The following SENP7 variants were observed in gnomAD, a reference collection of about 807,000 sequenced individuals.
SENP7 encodes the protein SUMO specific peptidase 7.
SENP7 carries 64 observed loss-of-function variants against 141.2 expected under a neutral mutation model. The ratio of observed to expected loss-of-function variants is 0.45; its 90% confidence interval spans 0.37 to 0.56. SENP7 has a LOEUF of 0.56. Among genes scored for constraint, SENP7 ranks in the 20% least tolerant of loss-of-function variants. The pLI, the probability that SENP7 is intolerant of heterozygous loss-of-function variation, is 0.00. For missense variants in SENP7, 1,025 were observed against 1,212.2 expected, an observed-to-expected ratio of 0.85 and a Z score of 2.29; for synonymous variants, 382 against 426.4, an observed-to-expected ratio of 0.90 and a Z score of 1.28.
chr3:101,502,547 C>T (rs1370643546), intron 1 of SENP7, among the ~76,000 whole-genome samples: 1 of 151,974 alleles, frequency 6.6e-6, no homozygotes, highest in Non-Finnish European at 1.5e-5. Context: ...CCACCCACCT[C>T]GGCCACCCAA....
chr3:101,327,410 G>A (rs927384941), intron 23 of SENP7, among the ~76,000 whole-genome samples: 1 of 151,858 alleles, frequency 6.6e-6, no homozygotes, highest in African/African-American at 2.4e-5. Context: ...TTCCCCCTTC[G>A]CTCAGCTCTC....
rs1018918604 is a variant in SENP7, at chr3:101,367,841, T to C, written c.967A>G (p.Thr323Ala). The change falls in exon 8 of 24, where the codon ACA becomes GCA. Residue 323 changes from threonine (T) to alanine (A), a missense_variant. Physicochemically the swap from Thr to Ala is moderately conservative, Grantham distance 58 (BLOSUM62 0). This residue lies in a region of SENP7 where 496 missense variants were observed against 503.5 expected (regional missense o/e 0.99). Coordinates refer to ENST00000394095, the MANE Select transcript of SENP7 (RefSeq NM_020654.5). ...SQYCTSLDKS[T>A]EQTKKQEDDS... ...ATACCTCTACTTACTGTCTGTTCTGTTGACTTATCCAAAGAAGTACAATAT... is the reference window on the plus strand; with the variant it reads ...ATACCTCTACTTACTGTCTGTTCTGCTGACTTATCCAAAGAAGTACAATAT... 6.9e-6 allele frequency: 11 copies of C among 1,593,270 alleles called. No homozygotes were observed. Among genetic ancestry groups the C allele is most frequent in the Non-Finnish European group, 9.4e-6 (11 of 1,164,080 alleles).
chr3:101,327,551 T>G (rs2058936142), intron 23 of SENP7, 115 bp downstream of exon 23: 1 of 698,632 alleles, frequency 1.4e-6, no homozygotes, highest in Non-Finnish European at 2.2e-6. Flanking sequence ...CTTTATAAAT[T>G]ACCCAGTCTT....
intron 6 of SENP7, among the ~76,000 whole-genome samples, chr3:101,393,148 A>C (rs2060862864): frequency 6.6e-6 from 1 of 152,212 alleles, no homozygotes; most frequent in African/African-American, 2.4e-5. Context: ...CATATGCAGA[A>C]GAATGAAACT....
chr3:101,377,546 T>G (rs1320166188), intron 6 of SENP7, among the ~76,000 whole-genome samples: 1 of 152,158 alleles, frequency 6.6e-6, no homozygotes, highest in African/African-American at 2.4e-5. Flanking sequence ...GTTCTCACAG[T>G]GAATATCAGA....
In SENP7 at chr3:101,448,954, T is replaced by C. The variant is rs566011547; in HGVS notation, c.284+10001A>G. ...AGCTAAAGGAGGAAGTTCGAACCCA[T>C]GGAAAAGAAGTTAAAAACCTTGAAA... On this transcript the variant is annotated intron_variant, in intron 4 of 23. Transcript: ENST00000394095. 4.0e-4 allele frequency among the ~76,000 whole-genome samples: 61 copies of C among 151,778 alleles called. 1 individual carries two copies. In the South Asian group the frequency reaches 9.4e-3, roughly 23 times the overall value.
At chr3:101,504,397 T>G (rs1366245478) in intron 1 of SENP7, among the ~76,000 whole-genome samples, 2 of 151,404 alleles carry the variant, frequency 1.3e-5, no homozygotes, top group Non-Finnish European at 2.9e-5. Context: ...AGGCAGAGGT[T>G]GCAGTGAGCC....
At chr3:101,421,293 C>T (rs765267725) in intron 4 of SENP7, among the ~76,000 whole-genome samples, 1 of 151,464 alleles carries the variant, frequency 6.6e-6, no homozygotes, top group Non-Finnish European at 1.5e-5. Context: ...CGAGAGACGG[C>T]AAATGTGCCA....
intron 6 of SENP7, among the ~76,000 whole-genome samples, chr3:101,394,797 C>T (rs2107560200): frequency 6.6e-6 from 1 of 152,254 alleles, no homozygotes; most frequent in African/African-American, 2.4e-5. Context: ...TTCTCCACAT[C>T]CTTGCCAACA....
intron 8 of SENP7, among the ~76,000 whole-genome samples, 167 bp from the exon 9 acceptor site, chr3:101,366,936 A>G (rs1352284470): frequency 6.6e-6 from 1 of 152,200 alleles, no homozygotes; most frequent in Non-Finnish European, 1.5e-5. Flanking sequence ...CCCAAATTTA[A>G]AGATACAGGA....
chr3:101,332,930 AT>A (rs2059093626), intron 17 of SENP7, 68 bp from the exon 18 acceptor site: 2 of 1,382,628 alleles, frequency 1.4e-6, no homozygotes, highest in African/African-American at 1.5e-5. Flanking sequence ...TTCAAGAGCC[AT>A]TTTTATATAT....
At chr3:101,463,364 A>ATAT (rs1553744608) in intron 3 of SENP7, among the ~76,000 whole-genome samples, 9 of 89,206 alleles carry the variant, frequency 1.0e-4, no homozygotes, top group South Asian at 3.6e-4. Flanking sequence ...TAAATAAATA[A>ATAT]ATATATATAT....
chr3:101,506,208 G>A, intron 1 of SENP7, among the ~76,000 whole-genome samples: 1 of 151,774 alleles, frequency 6.6e-6, no homozygotes, highest in African/African-American at 2.4e-5. Context: ...TTAGTAGAGA[G>A]AGAGTTTCAC....
chr3:101,497,072 T>C (rs949225705), intron 2 of SENP7, among the ~76,000 whole-genome samples: 1 of 152,176 alleles, frequency 6.6e-6, no homozygotes, highest in African/African-American at 2.4e-5. Flanking sequence ...CAACTTTATA[T>C]ATAAATTACG....
chr3:101,406,734 C>T (rs2061318172), intron 5 of SENP7, among the ~76,000 whole-genome samples: 1 of 152,052 alleles, frequency 6.6e-6, no homozygotes, highest in Admixed American at 6.6e-5. Context: ...CTGGAAAATT[C>T]ATCACAAAAA....
chr3:101,339,398 C>T (rs546475481), intron 16 of SENP7, among the ~76,000 whole-genome samples: 1 of 152,200 alleles, frequency 6.6e-6, no homozygotes, highest in Non-Finnish European at 1.5e-5. Context: ...GTTTTCATAC[C>T]AATTCCTGCA....
intron 3 of SENP7, among the ~76,000 whole-genome samples, chr3:101,488,481 G>A (rs1323038208): frequency 6.6e-6 from 1 of 152,176 alleles, no homozygotes; most frequent in Non-Finnish European, 1.5e-5. Context: ...GAATGGGAGA[G>A]AATACGCAAA....
At chr3:101,343,596 A>C (rs2059383095) in intron 14 of SENP7, 90 bp downstream of exon 14, 2 of 1,355,942 alleles carry the variant, frequency 1.5e-6, no homozygotes, top group Non-Finnish European at 1.0e-6. Flanking sequence ...CTTTTCACAA[A>C]ATGTAGCATT....
Position 101,458,945 on chromosome 3 carries a change from CAT to C in SENP7, c.284+8_284+9del, listed in dbSNP as rs2063452192. 6.5e-7 allele frequency: 1 copy of C among 1,532,802 alleles called. No homozygotes were observed. The highest frequency in any genetic ancestry group is 1.4e-5 in the African/African-American group (1 of 72,598). The allele number at this position is 1,532,802 out of a possible 1,614,324, so 95.0% of individuals were successfully genotyped here. ...AAGCCCATACTATGTCGCACACACA[CAT>C]ATCTTACCTTTCTGGTGATGACTTG... is the stretch of plus-strand genomic sequence containing the variant. On this transcript the variant is annotated splice_region_variant and intron_variant, in intron 4 of 23. Coordinates refer to ENST00000394095, the MANE Select transcript of SENP7 (RefSeq NM_020654.5).
Sources: allele counts gnomAD v4.1 joint callset (sites outside exome capture counted in the v4.1 genomes callset), GRCh38; gene constraint gnomAD v4.1.1; regional missense constraint gnomAD v4.1.1; transcripts MANE v1.5; gene names NCBI Gene and HGNC (gene_info 2026-07-23, HGNC 2026-07-21).